TENM3: variants seen among roughly 807,000 people sequenced by gnomAD.
The protein encoded by TENM3 is teneurin transmembrane protein 3.
In TENM3, 63 loss-of-function variants were observed where a neutral mutation model predicts 255.1. The observed-to-expected ratio is 0.25, with a 90% CI of 0.20 to 0.30. The LOEUF (loss-of-function observed/expected upper bound fraction) is 0.30. TENM3 is among the 10% of genes least tolerant of loss of function. TENM3 has a pLI of 1.00. For synonymous variants in TENM3, 1,306 were observed against 1,322.3 expected, an observed-to-expected ratio of 0.99 and a Z score of 0.27; for missense variants, 2,929 against 3,461.1, an observed-to-expected ratio of 0.85 and a Z score of 3.86.
At chr4:181,659,174 A>C in the TENM3 span, among the ~76,000 whole-genome samples, 1 of 152,206 alleles carries the variant, frequency 6.6e-6, no homozygotes, top group Non-Finnish European at 1.5e-5. Context: ...AAAATATAGT[A>C]ATTAAGAAAA....
the TENM3 span, among the ~76,000 whole-genome samples, chr4:181,704,701 C>T: frequency 1.6e-4 from 24 of 152,192 alleles, no homozygotes; most frequent in Admixed American, 1.2e-3. Flanking sequence ...CATATTCCTA[C>T]ATTGTTCTAC....
At chr4:182,100,860 CATATAT>C in the TENM3 span, among the ~76,000 whole-genome samples, 5 of 34,396 alleles carry the variant, frequency 1.5e-4, 2 homozygotes, top group Admixed American at 6.0e-4. Flanking sequence ...TATATATACT[CATATAT>C]ATATATATAG....
At chr4:182,663,320 T>C (rs1754379309) in intron 6 of TENM3, among the ~76,000 whole-genome samples, 1 of 152,062 alleles carries the variant, frequency 6.6e-6, no homozygotes, top group African/African-American at 2.4e-5. Flanking sequence ...TTTGAGATCA[T>C]ACGTTTTAAA....
At chr4:181,836,583 G>A in the TENM3 span, among the ~76,000 whole-genome samples, 261 of 151,886 alleles carry the variant, frequency 1.7e-3, 3 homozygotes, top group African/African-American at 5.8e-3. Context: ...GACATTTATC[G>A]CTTGTTCAGC....
chr4:181,709,400 C>G, the TENM3 span, among the ~76,000 whole-genome samples: 1 of 152,140 alleles, frequency 6.6e-6, no homozygotes, highest in Non-Finnish European at 1.5e-5. Context: ...CAGTGAATGC[C>G]ATGAAGAAAA....
chr4:182,553,411 G>A (rs1218737176), intron 3 of TENM3, among the ~76,000 whole-genome samples: 1 of 151,036 alleles, frequency 6.6e-6, no homozygotes, highest in African/African-American at 2.4e-5. Context: ...GATAGCATTA[G>A]GAGATATACC....
At chr4:182,108,421 T>C in the TENM3 span, among the ~76,000 whole-genome samples, 1 of 152,204 alleles carries the variant, frequency 6.6e-6, no homozygotes, top group African/African-American at 2.4e-5. Context: ...AGGAATACTG[T>C]TTCCTCTTTA....
chr4:181,984,911 G>T, the TENM3 span, among the ~76,000 whole-genome samples: 8 of 151,394 alleles, frequency 5.3e-5, no homozygotes, highest in African/African-American at 1.9e-4. Flanking sequence ...TAGAGAAGTA[G>T]GGAAAAGTCT....
chr4:182,601,422 GT>G (rs1747842994), intron 4 of TENM3, among the ~76,000 whole-genome samples: 2 of 148,514 alleles, frequency 1.3e-5, no homozygotes, highest in Non-Finnish European at 1.5e-5. Flanking sequence ...ACCACTGTTT[GT>G]TTTTTTCTTA....
intron 7 of TENM3, among the ~76,000 whole-genome samples, chr4:182,678,997 T>A (rs1755878295): frequency 6.6e-6 from 1 of 151,994 alleles, no homozygotes; most frequent in Non-Finnish European, 1.5e-5. Context: ...CACTCATAAG[T>A]GGGAGTTGAA....
At chr4:182,301,866 A>C (rs893296320) in intron 1 of TENM3, among the ~76,000 whole-genome samples, 2 of 152,188 alleles carry the variant, frequency 1.3e-5, no homozygotes, top group African/African-American at 4.8e-5. Flanking sequence ...TCGGGGGCCT[A>C]TACTGAGAAG....
chr4:181,839,113 T>A, the TENM3 span, among the ~76,000 whole-genome samples: 1 of 151,372 alleles, frequency 6.6e-6, no homozygotes, highest in Non-Finnish European at 1.5e-5. Context: ...CCATTATAAT[T>A]TCTTTTTTGA....
At chr4:181,620,225 C>A in the TENM3 span, among the ~76,000 whole-genome samples, 1 of 151,902 alleles carries the variant, frequency 6.6e-6, no homozygotes, top group Non-Finnish European at 1.5e-5. Flanking sequence ...TGCACCACTG[C>A]ACTCTAGCCT....
chr4:181,811,283 T>C, the TENM3 span, among the ~76,000 whole-genome samples: 1 of 152,192 alleles, frequency 6.6e-6, no homozygotes, highest in South Asian at 2.1e-4. Context: ...ACATCTCACA[T>C]ATATTTACTG....
chr4:181,762,397 C>T, the TENM3 span, among the ~76,000 whole-genome samples: 8 of 152,146 alleles, frequency 5.3e-5, no homozygotes, highest in Non-Finnish European at 1.2e-4. Context: ...TCCCCCCTGC[C>T]CACGTCCATG....
At chr4:182,513,790 A>G (rs1349528179) in intron 3 of TENM3, among the ~76,000 whole-genome samples, 3 of 152,152 alleles carry the variant, frequency 2.0e-5, no homozygotes, top group African/African-American at 4.8e-5. Flanking sequence ...GCACTTTTCC[A>G]AAACAAATGA....
intron 3 of TENM3, among the ~76,000 whole-genome samples, chr4:182,386,315 G>C (rs1767909896): frequency 6.6e-6 from 1 of 152,224 alleles, no homozygotes; most frequent in African/African-American, 2.4e-5. Flanking sequence ...GGGACAAGAA[G>C]TTTTACCTTA....
intron 3 of TENM3, among the ~76,000 whole-genome samples, chr4:182,355,022 G>A (rs1291444484): frequency 6.6e-6 from 1 of 152,164 alleles, no homozygotes; most frequent in Admixed American, 6.5e-5. Flanking sequence ...TGGGCAAACC[G>A]GCAAGTAGGC....
the TENM3 span, among the ~76,000 whole-genome samples, chr4:181,926,030 C>T: frequency 6.6e-6 from 1 of 152,178 alleles, no homozygotes; most frequent in African/African-American, 2.4e-5. Flanking sequence ...CATGACCTCA[C>T]CCTTTCACTT....
Sources: allele counts gnomAD v4.1 joint callset (sites outside exome capture counted in the v4.1 genomes callset), GRCh38; gene constraint gnomAD v4.1.1; transcripts MANE v1.5; gene names NCBI Gene and HGNC (gene_info 2026-07-23, HGNC 2026-07-21).